Variants in DIAPH2 observed in about 807,000 individuals in gnomAD.
DIAPH2 encodes the protein protein diaphanous homolog 2.
Under a neutral mutation model 92.7 loss-of-function variants are expected in DIAPH2, and 35 were observed. That is an observed-to-expected ratio of 0.38 (90% CI 0.29 to 0.50). The LOEUF (loss-of-function observed/expected upper bound fraction) is 0.50. Ranked by LOEUF, DIAPH2 falls within the 20% of genes least tolerant of loss-of-function variation. The pLI is 0.94. For synonymous variants in DIAPH2, 301 were observed against 280.4 expected (o/e 1.07, Z -0.73); for missense variants, 701 against 819.5 (o/e 0.86, Z 1.77).
intron 17 of DIAPH2, among the ~76,000 whole-genome samples, chrX:96,985,006 C>T (rs944647869): frequency 9.0e-6 from 1 of 111,480 alleles, no homozygotes; most frequent in Non-Finnish European, 1.9e-5. Context: ...AGGTTACAAG[C>T]GTAACAGATA....
At chrX:96,687,751 CTA>C (rs1263470730) in intron 1 of DIAPH2, among the ~76,000 whole-genome samples, 1 of 111,427 alleles carries the variant, frequency 9.0e-6, no homozygotes, top group Non-Finnish European at 1.9e-5. Context: ...CATTTCAACA[CTA>C]TAATGATTTC....
rs7891699 is a variant in DIAPH2 at position 96,989,030 on chromosome X, A to T, written c.2050+23823A>T. ...TGTTCTGATTTTAAAAAAAGAAGAA[A>T]TGACCTTCATTTCTTTTGGATCTTC... is the stretch of plus-strand genomic sequence containing the variant. On this transcript the variant is annotated intron_variant, in intron 17 of 26. Transcript: ENST00000324765. 1.4e-3 allele frequency among the ~76,000 whole-genome samples: 160 copies of T among 111,392 alleles called. 1 individual carries two copies. The highest frequency in any genetic ancestry group is 5.1e-3 in the African/African-American group (158 of 30,784).
chrX:97,221,226 T>C (rs2147516136), intron 22 of DIAPH2, among the ~76,000 whole-genome samples: 1 of 112,163 alleles, frequency 8.9e-6, no homozygotes, highest in Non-Finnish European at 1.9e-5. Context: ...GTTACTGCCA[T>C]TTCTAGTGTC....
intron 5 of DIAPH2, among the ~76,000 whole-genome samples, chrX:96,888,024 T>C (rs1290958153): frequency 1.8e-5 from 2 of 109,511 alleles, no homozygotes; most frequent in East Asian, 5.7e-4. Context: ...CTGTGATGCG[T>C]AGATTTACGT....
At chrX:96,997,367 CCCTCAGAATTTTTTTG>C (rs2066111695) in intron 17 of DIAPH2, among the ~76,000 whole-genome samples, 1 of 111,072 alleles carries the variant, frequency 9.0e-6, no homozygotes, top group Non-Finnish European at 1.9e-5. Context: ...GTGAAATTAG[CCCTCAGAATTTTTTTG>C]CCTCAGTGTG....
chrX:97,175,483 C>T (rs1446156388), intron 22 of DIAPH2, among the ~76,000 whole-genome samples: 1 of 112,259 alleles, frequency 8.9e-6, no homozygotes, highest in Non-Finnish European at 1.9e-5. Context: ...CTAAAAATTT[C>T]TCAAAGGACT....
At chrX:97,556,127 G>A (rs2071255216) in intron 26 of DIAPH2, among the ~76,000 whole-genome samples, 1 of 111,628 alleles carries the variant, frequency 9.0e-6, no homozygotes, top group Non-Finnish European at 1.9e-5. Context: ...ACAGTTAATT[G>A]CCTGTGGATT....
chrX:96,836,700 TATATATATATATATATA>T (rs1277531603), intron 4 of DIAPH2, among the ~76,000 whole-genome samples: 1 of 20,701 alleles, frequency 4.8e-5, no homozygotes, highest in Non-Finnish European at 8.5e-5. Flanking sequence ...TATATATATA[TATATATATATATATATA>T]TTTTTTTTTT....
intron 23 of DIAPH2, among the ~76,000 whole-genome samples, chrX:97,320,376 G>T (rs1036244922): frequency 1.8e-5 from 2 of 109,527 alleles, no homozygotes; most frequent in Non-Finnish European, 3.8e-5. Context: ...AAACTAGGGG[G>T]TCTATCCCAG....
At chrX:97,018,985 G>T (rs1173615185) in intron 17 of DIAPH2, among the ~76,000 whole-genome samples, 2 of 111,386 alleles carry the variant, frequency 1.8e-5, no homozygotes, top group African/African-American at 6.5e-5. Flanking sequence ...AATCTTTCCG[G>T]ATTCTTTCAC....
chrX:97,596,395 C>G (rs1398601983), intron 26 of DIAPH2, among the ~76,000 whole-genome samples: 2 of 112,058 alleles, frequency 1.8e-5, no homozygotes, highest in African/African-American at 6.5e-5. Flanking sequence ...GGAAGGGATA[C>G]CACTACTTGT....
At chrX:97,448,034 A>T (rs1268632865) in intron 26 of DIAPH2, among the ~76,000 whole-genome samples, 1 of 112,526 alleles carries the variant, frequency 8.9e-6, no homozygotes, top group Non-Finnish European at 1.9e-5. Flanking sequence ...ATATTAGTTG[A>T]GAAAATTAGC....
At chrX:96,898,603 G>A (rs2065366027) in intron 5 of DIAPH2, among the ~76,000 whole-genome samples, 1 of 107,419 alleles carries the variant, frequency 9.3e-6, no homozygotes, top group South Asian at 4.4e-4. Flanking sequence ...ATTTGTTTGA[G>A]TTCATTGTAG....
At chrX:97,260,930 C>T (rs1318375763) in intron 23 of DIAPH2, among the ~76,000 whole-genome samples, 1 of 111,833 alleles carries the variant, frequency 8.9e-6, no homozygotes, top group Non-Finnish European at 1.9e-5. Flanking sequence ...ATTTAAACAG[C>T]TTAATCGAGA....
At chrX:96,918,064 A>T (rs941598832) in intron 8 of DIAPH2, among the ~76,000 whole-genome samples, 9 of 111,285 alleles carry the variant, frequency 8.1e-5, no homozygotes, top group African/African-American at 2.6e-4. Flanking sequence ...TTGATGCCCT[A>T]AAATTATTTA....
At chrX:96,842,089 C>T (rs775862344) in intron 4 of DIAPH2, among the ~76,000 whole-genome samples, 4 of 111,143 alleles carry the variant, frequency 3.6e-5, no homozygotes, top group East Asian at 5.6e-4. Context: ...GCCATCTGGA[C>T]GTATACATGC....
At chrX:96,924,857 A>G (rs1302596854) in intron 9 of DIAPH2, among the ~76,000 whole-genome samples, 1 of 110,864 alleles carries the variant, frequency 9.0e-6, no homozygotes, top group East Asian at 2.9e-4. Flanking sequence ...CGCCCCCATG[A>G]TCCAGTCACC....
intron 4 of DIAPH2, among the ~76,000 whole-genome samples, chrX:96,839,583 T>C (rs2064922399): frequency 1.8e-5 from 2 of 111,882 alleles, no homozygotes. Context: ...CCTGAAACAA[T>C]TAAATACCTA....
At chrX:96,781,532 C>T (rs1024688982) in intron 4 of DIAPH2, among the ~76,000 whole-genome samples, 3 of 111,238 alleles carry the variant, frequency 2.7e-5, no homozygotes, top group Admixed American at 1.9e-4. Context: ...AATTAGTCTA[C>T]TTTGAGTAAT....
Sources: allele counts gnomAD v4.1 joint callset (sites outside exome capture counted in the v4.1 genomes callset), GRCh38; gene constraint gnomAD v4.1.1; transcripts MANE v1.5; gene names NCBI Gene and HGNC (gene_info 2026-07-23, HGNC 2026-07-21).